The following RBM19 variants were observed in gnomAD, a reference collection of about 807,000 sequenced individuals.
RBM19 encodes the protein RNA binding motif protein 19, also known as probable RNA-binding protein 19.
Under a neutral mutation model 116.8 loss-of-function variants are expected in RBM19, and 94 were observed. That is an observed-to-expected ratio of 0.80 (90% confidence interval 0.68 to 0.95). The LOEUF is 0.95. Among genes scored for constraint, RBM19 ranks in the 40% least tolerant of loss-of-function variants. The pLI, the probability that RBM19 is intolerant of heterozygous loss-of-function variation, is 0.00. For missense variants in RBM19, 1,161 were observed against 1,220.7 expected (o/e 0.95, Z 0.73); for synonymous variants, 475 against 494.1 (o/e 0.96, Z 0.51).
At chr12:113,833,914 TTA>T (rs1225731853) in intron 23 of RBM19, among the ~76,000 whole-genome samples, 1 of 152,022 alleles carries the variant, frequency 6.6e-6, no homozygotes, top group East Asian at 1.9e-4. Flanking sequence ...TGGCTAATTT[TTA>T]AAGTTTTTTT....
In RBM19 at chr12:113,858,912, A is replaced by T; in HGVS notation, c.2559-16T>A. The stretch of plus-strand genomic sequence containing the variant: ...CCCAAAGGTGCTAGAAACAAAAGGC[A>T]AGACATAGGGGTTTAAGAATAGAGG... On this transcript the variant is annotated splice_polypyrimidine_tract_variant and intron_variant, in intron 21 of 23. Transcript: ENST00000261741. The T allele has an allele frequency of 6.2e-7, 1 of 1,611,756 alleles. No individual in the cohort carries two copies.
chr12:113,909,850 C>A (rs551900766), intron 21 of RBM19, among the ~76,000 whole-genome samples: 4 of 152,330 alleles, frequency 2.6e-5, no homozygotes, highest in African/African-American at 9.6e-5. Context: ...TGGCTGGGAG[C>A]TTTTCATGAG....
chr12:113,836,831 C>A (rs1282149646), intron 23 of RBM19, among the ~76,000 whole-genome samples: 1 of 145,314 alleles, frequency 6.9e-6, no homozygotes, highest in Non-Finnish European at 1.5e-5. Context: ...TACATACACA[C>A]ACACACACAC....
chr12:113,845,213 C>G (rs571539746), intron 22 of RBM19, among the ~76,000 whole-genome samples: 11 of 152,154 alleles, frequency 7.2e-5, no homozygotes, highest in Non-Finnish European at 1.2e-4. Context: ...GGGTGTCGCT[C>G]TCCTTCACTG....
At chr12:113,842,386 A>G (rs538727266) in intron 23 of RBM19, among the ~76,000 whole-genome samples, 1 of 152,368 alleles carries the variant, frequency 6.6e-6, no homozygotes, top group South Asian at 2.1e-4. Flanking sequence ...GGGCTTGTCA[A>G]TGGTTGTCGA....
intron 8 of RBM19, 107 bp from the exon 9 acceptor site, chr12:113,950,261 A>C: frequency 1.1e-6 from 1 of 883,090 alleles, no homozygotes. Context: ...TGAGGGAGAA[A>C]CCTCTACCTT....
rs182557529 is a variant in RBM19, at chr12:113,828,870, C to T, written c.2786-5549G>A. ...CTCTCCTACCCAGATAGGTCTGCATCTCAGGGCTCTGTGTACAGCAGGCAC... is the reference window on the plus strand; with the variant it reads ...CTCTCCTACCCAGATAGGTCTGCATTTCAGGGCTCTGTGTACAGCAGGCAC... On this transcript the variant is annotated intron_variant, in intron 23 of 23. Coordinates refer to ENST00000261741, the MANE Select transcript of RBM19 (RefSeq NM_016196.4). 2.0e-5 allele frequency among the ~76,000 whole-genome samples: 3 copies of T among 152,320 alleles called. No homozygotes were observed. The East Asian group carries it at 5.8e-4, about 29-fold the overall frequency.
At chr12:113,917,634 C>A (rs1882846458) in intron 20 of RBM19, among the ~76,000 whole-genome samples, 1 of 152,226 alleles carries the variant, frequency 6.6e-6, no homozygotes, top group Non-Finnish European at 1.5e-5. Flanking sequence ...CGGATGACCA[C>A]AACAAATTAC....
chr12:113,894,316 A>G (rs188650787), intron 21 of RBM19, among the ~76,000 whole-genome samples: 2 of 152,358 alleles, frequency 1.3e-5, no homozygotes, highest in Admixed American at 1.3e-4. Context: ...ATTACTGAGT[A>G]AAACTGATGC....
At position 113,957,738 on chromosome 12, in the gene RBM19, G is replaced by T. The variant is rs200598696; in HGVS notation, c.840+44C>A. On this transcript the variant is annotated intron_variant, in intron 6 of 23. Coordinates refer to ENST00000261741, the MANE Select transcript of RBM19 (RefSeq NM_016196.4). ...AGCTGTGGGGACCACGGGCAAGCAG[G>T]AGAGCGCACCTCCTCCCTCATCACC... 129 of 1,525,590 alleles carry T rather than the reference G, an allele frequency of 8.5e-5. No individual in the cohort carries two copies. The East Asian group carries it at 2.4e-3, about 28-fold the overall frequency. The allele number at this position is 1,525,590 out of a possible 1,614,324, so 94.5% of individuals were successfully genotyped here.
intron 23 of RBM19, among the ~76,000 whole-genome samples, chr12:113,834,575 C>G (rs148107642): frequency 6.6e-6 from 1 of 152,268 alleles, no homozygotes; most frequent in Admixed American, 6.5e-5. Flanking sequence ...AAGAAAGTAG[C>G]CCTAGACGAT....
intron 22 of RBM19, 76 bp downstream of exon 22, chr12:113,858,715 G>T: frequency 2.1e-6 from 3 of 1,406,582 alleles, no homozygotes; most frequent in Non-Finnish European, 3.0e-6. Context: ...GTGTGTTAGA[G>T]GCCTGGCTGT....
At chr12:113,821,501 G>A (rs528278521), downstream of RBM19, among the ~76,000 whole-genome samples, 45 of 152,272 alleles carry the variant, frequency 3.0e-4, no homozygotes, top group African/African-American at 1.0e-3. Flanking sequence ...CATGACCTAC[G>A]GCAACTTGGG....
In RBM19 at chr12:113,949,046, A is replaced by T. The variant is rs777055905; in HGVS notation, c.1073-10T>A. The T allele has an allele frequency of 2.5e-6, 4 of 1,609,198 alleles. No individual in the cohort carries two copies. The highest frequency in any genetic ancestry group is 2.2e-5 in the South Asian group (2 of 90,774). The stretch of plus-strand genomic sequence containing the variant: ...TCGATGTAGCGCCCACCTGCAATGA[A>T]GAGGAGTCAGGGCTCCAGGGGGAGG... On this transcript the variant is annotated splice_polypyrimidine_tract_variant and intron_variant, in intron 9 of 23. Coordinates refer to ENST00000261741, the MANE Select transcript of RBM19 (RefSeq NM_016196.4).
chr12:113,887,639 A>AT (rs1485917811), intron 21 of RBM19, among the ~76,000 whole-genome samples: 1 of 149,460 alleles, frequency 6.7e-6, no homozygotes, highest in African/African-American at 2.5e-5. Flanking sequence ...CATCTCAAAA[A>AT]AAAAAAAAAA....
chr12:113,944,091 A>ATTTTTTTTTTT (rs1244100851), intron 13 of RBM19, among the ~76,000 whole-genome samples: 1 of 78,482 alleles, frequency 1.3e-5, no homozygotes, highest in East Asian at 4.6e-4. Context: ...CTCCAGATGC[A>ATTTTTTTTTTT]TGTTTTTTTT....
At chr12:113,894,435 C>A (rs1433595917) in intron 21 of RBM19, among the ~76,000 whole-genome samples, 1 of 152,156 alleles carries the variant, frequency 6.6e-6, no homozygotes, top group Admixed American at 6.5e-5. Flanking sequence ...CTGTCAGAAC[C>A]CCTGGCACCC....
intron 14 of RBM19, among the ~76,000 whole-genome samples, chr12:113,941,605 C>CATCTGTATT (rs1870579287): frequency 7.1e-6 from 1 of 140,276 alleles, no homozygotes; most frequent in Non-Finnish European, 1.6e-5. Context: ...ATCCATCCAT[C>CATCTGTATT]CATCCAACCA....
chr12:113,942,135 C>A (rs1870627876), intron 14 of RBM19, among the ~76,000 whole-genome samples, 189 bp downstream of exon 14: 1 of 152,174 alleles, frequency 6.6e-6, no homozygotes, highest in Non-Finnish European at 1.5e-5. Flanking sequence ...TCTGGACAGA[C>A]AGAATCAGGG....
Sources: allele counts gnomAD v4.1 joint callset (sites outside exome capture counted in the v4.1 genomes callset), GRCh38; gene constraint gnomAD v4.1.1; transcripts MANE v1.5; gene names NCBI Gene and HGNC (gene_info 2026-07-23, HGNC 2026-07-21).